TBXAS1: variants seen among roughly 807,000 people sequenced by gnomAD.
TBXAS1 encodes the protein thromboxane A synthase 1.
A neutral mutation model predicts 60.7 loss-of-function variants in TBXAS1; 48 were observed. The ratio of observed to expected loss-of-function variants is 0.79; its 90% CI spans 0.63 to 1.01. The LOEUF (loss-of-function observed/expected upper bound fraction) is 1.01, where lower values mean the gene tolerates loss of function less well. Ranked by LOEUF, TBXAS1 falls within the 50% of genes least tolerant of loss-of-function variation. TBXAS1 has a pLI of 0.00. For synonymous variants in TBXAS1, 287 were observed against 269.7 expected (o/e 1.06, Z -0.63); for missense variants, 685 against 686.3 (o/e 1.00, Z 0.02).
chr7:139,814,260 T>G (rs1798093947), intron 4 of TBXAS1, among the ~76,000 whole-genome samples: 1 of 152,178 alleles, frequency 6.6e-6, no homozygotes, highest in Non-Finnish European at 1.5e-5. Flanking sequence ...AAGTGTGGAG[T>G]ACATGGTTCC....
intron 9 of TBXAS1, among the ~76,000 whole-genome samples, chr7:139,964,876 C>A (rs41723): frequency 0.77 from 117,678 of 152,154 alleles, 46,138 homozygotes; most frequent in East Asian, 0.87. Context: ...CAGCTATAAC[C>A]ATAGTCACAT....
At chr7:139,954,162 G>A (rs1206204986) in intron 6 of TBXAS1, among the ~76,000 whole-genome samples, 1 of 152,166 alleles carries the variant, frequency 6.6e-6, no homozygotes, top group Non-Finnish European at 1.5e-5. Flanking sequence ...ATGGCTTACA[G>A]CAGATAAAGA....
intron 10 of TBXAS1, among the ~76,000 whole-genome samples, chr7:140,011,594 C>T (rs1293102562): frequency 3.9e-5 from 6 of 152,060 alleles, no homozygotes; most frequent in Admixed American, 3.9e-4. Context: ...ATTTTCAAAC[C>T]CAAATTTCCT....
intron 3 of TBXAS1, among the ~76,000 whole-genome samples, chr7:139,783,152 C>T (rs1408865792): frequency 3.3e-5 from 5 of 151,970 alleles, no homozygotes; most frequent in Non-Finnish European, 7.4e-5. Flanking sequence ...AAGGGGAGAG[C>T]GAGGCTTGGC....
At chr7:139,888,122 C>T (rs1339045142) in intron 3 of TBXAS1, among the ~76,000 whole-genome samples, 1 of 152,228 alleles carries the variant, frequency 6.6e-6, no homozygotes, top group Non-Finnish European at 1.5e-5. Context: ...AAACCGACCC[C>T]ATTATCAACA....
intron 9 of TBXAS1, among the ~76,000 whole-genome samples, chr7:139,990,909 T>C (rs1812845803): frequency 6.6e-6 from 1 of 152,034 alleles, no homozygotes; most frequent in Non-Finnish European, 1.5e-5. Context: ...CTAACCCCCT[T>C]GGAGAAGCCT....
At chr7:139,779,384 C>T (rs1796903570) in intron 1 of TBXAS1, among the ~76,000 whole-genome samples, 1 of 152,198 alleles carries the variant, frequency 6.6e-6, no homozygotes, top group African/African-American at 2.4e-5. Context: ...CAATGCTACA[C>T]TTCCTATCCC....
chr7:139,921,671 G>A (rs751584832), intron 4 of TBXAS1, among the ~76,000 whole-genome samples: 2 of 152,224 alleles, frequency 1.3e-5, no homozygotes, highest in Non-Finnish European at 2.9e-5. Context: ...CCACTGCACT[G>A]CAGCCTGGGG....
At chr7:139,905,835 A>C (rs970180253) in intron 3 of TBXAS1, among the ~76,000 whole-genome samples, 6 of 152,070 alleles carry the variant, frequency 3.9e-5, no homozygotes, top group Admixed American at 1.3e-4. Context: ...AAAGGGCAAA[A>C]ATTTTTAATT....
intron 12 of TBXAS1, among the ~76,000 whole-genome samples, chr7:140,019,433 C>T (rs62490132): frequency 0.063 from 9,576 of 152,234 alleles, 375 homozygotes; most frequent in Non-Finnish European, 0.089. Context: ...TGGCACTCCC[C>T]GGCTTAAGAA....
intron 9 of TBXAS1, among the ~76,000 whole-genome samples, chr7:139,987,151 G>A (rs1033009017): frequency 2.6e-5 from 4 of 152,088 alleles, no homozygotes; most frequent in African/African-American, 9.7e-5. Flanking sequence ...CTTGATGCCT[G>A]GGGCTCCCCA....
In TBXAS1 at chr7:139,999,590, T is replaced by A. The variant is rs1404407123; in HGVS notation, c.1135-7501T>A. 6.6e-6 allele frequency among the ~76,000 whole-genome samples: 1 copy of A among 152,118 alleles called. No individual in the cohort carries two copies. Among genetic ancestry groups the A allele is most frequent in the East Asian group, 1.9e-4 (1 of 5,184 alleles). On this transcript the variant is annotated intron_variant, in intron 9 of 12. Coordinates refer to ENST00000448866, the MANE Select transcript of TBXAS1 (RefSeq NM_001061.7). This position sits in a 1 kb window ranked among gnomAD's most constrained non-coding sequence, Gnocchi z 4.3. ...TATGGTCAGAAGGGCAAAGCGAAGG[T>A]CACCCCATTTTCCACGGCTTGGTTT...
At chr7:139,986,771 G>A (rs1485934010) in intron 9 of TBXAS1, among the ~76,000 whole-genome samples, 5 of 46,118 alleles carry the variant, frequency 1.1e-4, no homozygotes, top group South Asian at 8.7e-4. Flanking sequence ...GTGTGTGTGT[G>A]TGTGTGTGTG....
At chr7:139,930,990 C>T (rs532356815) in intron 4 of TBXAS1, among the ~76,000 whole-genome samples, 1 of 151,986 alleles carries the variant, frequency 6.6e-6, no homozygotes, top group Non-Finnish European at 1.5e-5. Flanking sequence ...GTTTTTCAAG[C>T]TTTTTTGACT....
At chr7:139,839,695 A>AAAAAC (rs1554472247) in intron 1 of TBXAS1, among the ~76,000 whole-genome samples, 1 of 145,812 alleles carries the variant, frequency 6.9e-6, no homozygotes, top group Non-Finnish European at 1.5e-5. Context: ...AAAAAAAAAA[A>AAAAAC]CAAATCAAAA....
At chr7:139,824,833 T>TCTTTC (rs55728030), upstream of TBXAS1, among the ~76,000 whole-genome samples, 2 of 138,800 alleles carry the variant, frequency 1.4e-5, no homozygotes, top group African/African-American at 5.4e-5. Context: ...CCTTTTCTTT[T>TCTTTC]TTTTTTTTTT....
chr7:139,970,111 A>G (rs1811084746), intron 9 of TBXAS1, among the ~76,000 whole-genome samples: 1 of 152,034 alleles, frequency 6.6e-6, no homozygotes, highest in African/African-American at 2.4e-5. Flanking sequence ...TTTTGTGATT[A>G]TTATTTTGTA....
At chr7:139,823,770 T>C (rs1220055366) in intron 4 of TBXAS1, among the ~76,000 whole-genome samples, 1 of 152,186 alleles carries the variant, frequency 6.6e-6, no homozygotes, top group Non-Finnish European at 1.5e-5. Flanking sequence ...TGACCTCAGG[T>C]GGTCGTGGGA....
chr7:139,825,099 G>A (rs759620409), upstream of TBXAS1, among the ~76,000 whole-genome samples: 4 of 151,300 alleles, frequency 2.6e-5, no homozygotes, highest in Admixed American at 6.6e-5. Flanking sequence ...AAAATGCTGC[G>A]ATTACAGACA....
Sources: gnomAD v4.1 joint callset for allele counts (sites outside exome capture counted in the v4.1 genomes callset) on GRCh38, gnomAD v4.1.1 for gene constraint, Gnocchi (gnomAD v3.1) non-coding constraint, MANE v1.5 for transcripts, NCBI Gene and HGNC (gene_info 2026-07-23, HGNC 2026-07-21) for gene names.